Variants in SPIDR observed in about 807,000 individuals in gnomAD.
The protein encoded by SPIDR is scaffold protein involved in DNA repair.
Under a neutral mutation model 104.6 loss-of-function variants are expected in SPIDR, and 93 were observed. The ratio of observed to expected loss-of-function variants is 0.89; its 90% CI spans 0.75 to 1.06. The LOEUF is 1.06. Among genes scored for constraint, SPIDR ranks in the 50% least tolerant of loss-of-function variants. The pLI is 0.00. For missense variants in SPIDR, 1,154 were observed against 1,111.2 expected, an observed-to-expected ratio of 1.04 and a Z score of -0.55; for synonymous variants, 431 against 416.9, an observed-to-expected ratio of 1.03 and a Z score of -0.41.
intron 5 of SPIDR, among the ~76,000 whole-genome samples, chr8:47,312,456 T>G (rs2044383365): frequency 6.6e-5 from 10 of 152,228 alleles, no homozygotes; most frequent in Admixed American, 6.5e-4. Context: ...TGATTTGCAT[T>G]TCTCTGATGG....
intron 8 of SPIDR, chr8:47,512,063 C>T (rs111624618): frequency 9.3e-6 from 6 of 645,800 alleles, no homozygotes; most frequent in African/African-American, 7.2e-5. Flanking sequence ...GTAGCCGACT[C>T]GAGGAAGAAG....
intron 16 of SPIDR, among the ~76,000 whole-genome samples, chr8:47,722,973 G>A (rs989245406): frequency 1.3e-5 from 2 of 152,002 alleles, no homozygotes; most frequent in African/African-American, 4.8e-5. Flanking sequence ...CGAGTAACTA[G>A]GACTACTGGG....
At chr8:47,733,797 G>T (rs925708956) in intron 19 of SPIDR, among the ~76,000 whole-genome samples, 3 of 152,002 alleles carry the variant, frequency 2.0e-5, no homozygotes, top group Non-Finnish European at 2.9e-5. Flanking sequence ...AGAGCCCTTG[G>T]GAAGGCCTCA....
chr8:47,552,063 C>T (rs1006643844), intron 8 of SPIDR, among the ~76,000 whole-genome samples: 2 of 152,136 alleles, frequency 1.3e-5, no homozygotes, highest in African/African-American at 4.8e-5. Flanking sequence ...TGTTCAGTTC[C>T]CATGTAGTAG....
At chr8:47,297,920 G>A (rs2041201434) in intron 5 of SPIDR, among the ~76,000 whole-genome samples, 5 of 152,124 alleles carry the variant, frequency 3.3e-5, no homozygotes, top group Admixed American at 6.5e-5. Flanking sequence ...ATAATCGTAC[G>A]TGGGCATGTG....
intron 8 of SPIDR, among the ~76,000 whole-genome samples, chr8:47,540,711 A>G (rs556602978): frequency 6.6e-6 from 1 of 151,972 alleles, no homozygotes; most frequent in South Asian, 2.1e-4. Context: ...CTTTCCCCCC[A>G]TTGCCCCTAG....
chr8:47,513,863 TAC>T (rs1338325012), intron 8 of SPIDR, among the ~76,000 whole-genome samples: 1 of 152,224 alleles, frequency 6.6e-6, no homozygotes, highest in Non-Finnish European at 1.5e-5. Context: ...TGTGTTTTCC[TAC>T]AGTCTATTAT....
At chr8:47,390,637 A>T (rs1243349152) in intron 5 of SPIDR, among the ~76,000 whole-genome samples, 6 of 151,326 alleles carry the variant, frequency 4.0e-5, no homozygotes, top group Non-Finnish European at 8.8e-5. Context: ...TTAAAATTTG[A>T]CAGAAGGTGA....
intron 11 of SPIDR, among the ~76,000 whole-genome samples, chr8:47,685,954 C>T (rs2077754475): frequency 6.6e-6 from 1 of 151,958 alleles, no homozygotes; most frequent in Non-Finnish European, 1.5e-5. Context: ...TGCAGGAGTT[C>T]AAGACCAGCC....
intron 5 of SPIDR, among the ~76,000 whole-genome samples, chr8:47,381,947 T>G (rs1440596064): frequency 1.3e-5 from 2 of 152,262 alleles, no homozygotes; most frequent in African/African-American, 4.8e-5. Flanking sequence ...TGGGTAGCAT[T>G]TAGCTACAAA....
chr8:47,561,711 C>G (rs148077246), intron 8 of SPIDR, among the ~76,000 whole-genome samples: 1,728 of 152,340 alleles, frequency 0.011, 36 homozygotes, highest in African/African-American at 0.039. Context: ...TTCTCACCCT[C>G]TTCCCTGGGT....
At chr8:47,650,093 G>T (rs551855458) in intron 10 of SPIDR, among the ~76,000 whole-genome samples, 14 of 152,146 alleles carry the variant, frequency 9.2e-5, no homozygotes, top group Non-Finnish European at 2.1e-4. Flanking sequence ...ACATAGTACT[G>T]GGAGTGCTAG....
intron 10 of SPIDR, among the ~76,000 whole-genome samples, chr8:47,657,012 G>A (rs1334747506): frequency 1.3e-5 from 2 of 152,198 alleles, no homozygotes; most frequent in African/African-American, 4.8e-5. Context: ...CAGGGGAGGG[G>A]AGAATAGGAG....
intron 14 of SPIDR, among the ~76,000 whole-genome samples, chr8:47,711,651 C>T (rs1406449317): frequency 6.6e-6 from 1 of 152,126 alleles, no homozygotes; most frequent in Non-Finnish European, 1.5e-5. Flanking sequence ...CATCCACATA[C>T]ACACACAACT....
At chr8:47,450,377 T>C (rs548337584) in intron 8 of SPIDR, among the ~76,000 whole-genome samples, 2 of 152,210 alleles carry the variant, frequency 1.3e-5, no homozygotes, top group East Asian at 3.9e-4. Flanking sequence ...ATGACATAAA[T>C]CCATTCAGGA....
chr8:47,620,605 G>A (rs1327956421), intron 10 of SPIDR, among the ~76,000 whole-genome samples: 1 of 149,340 alleles, frequency 6.7e-6, no homozygotes, highest in Non-Finnish European at 1.5e-5. Context: ...CAATTCATCG[G>A]TTTTGTTTTT....
chr8:47,409,815 G>A (rs1169025986), intron 7 of SPIDR, among the ~76,000 whole-genome samples: 1 of 152,202 alleles, frequency 6.6e-6, no homozygotes, highest in Admixed American at 6.5e-5. Flanking sequence ...GATCACTTGA[G>A]GCCAAGAGTT....
At chr8:47,463,238 G>A (rs781808806) in intron 8 of SPIDR, among the ~76,000 whole-genome samples, 4 of 151,778 alleles carry the variant, frequency 2.6e-5, no homozygotes, top group Non-Finnish European at 5.9e-5. Context: ...GTGGGCGCCC[G>A]TAGTTTCAGC....
chr8:47,424,689 G>A (rs1585483624), intron 7 of SPIDR, among the ~76,000 whole-genome samples: 1 of 152,162 alleles, frequency 6.6e-6, no homozygotes, highest in Non-Finnish European at 1.5e-5. Context: ...AGAAGAACCA[G>A]TGATAACAAA....
Sources: gnomAD v4.1 joint callset for allele counts (sites outside exome capture counted in the v4.1 genomes callset) on GRCh38, gnomAD v4.1.1 for gene constraint, MANE v1.5 for transcripts, NCBI Gene and HGNC (gene_info 2026-07-23, HGNC 2026-07-21) for gene names.